OTUD7B: variants seen among roughly 807,000 people sequenced by gnomAD.
The protein encoded by OTUD7B is OTU domain-containing protein 7B.
A neutral mutation model predicts 82.2 loss-of-function variants in OTUD7B; 34 were observed. That is an observed-to-expected ratio of 0.41 (90% CI 0.31 to 0.55). OTUD7B has a LOEUF of 0.55. Among genes scored for constraint, OTUD7B ranks in the 20% least tolerant of loss-of-function variants. OTUD7B has a pLI of 0.20. For missense variants in OTUD7B, 944 were observed against 1,062.1 expected (o/e 0.89, Z 1.55); for synonymous variants, 398 against 402.7 (o/e 0.99, Z 0.14).
At chr1:150,035,895 C>T in the OTUD7B span, among the ~76,000 whole-genome samples, 356 of 151,930 alleles carry the variant, frequency 2.3e-3, no homozygotes, top group African/African-American at 7.9e-3. Context: ...CTGCTACTTA[C>T]GCATACATTG....
the OTUD7B span, among the ~76,000 whole-genome samples, chr1:150,036,984 T>C: frequency 2.0e-5 from 3 of 152,226 alleles, no homozygotes; most frequent in South Asian, 6.2e-4. Flanking sequence ...AAAATAATGG[T>C]AAACTGCTCT....
At chr1:149,951,470 C>T (rs961423873) in intron 7 of OTUD7B, among the ~76,000 whole-genome samples, 1 of 152,162 alleles carries the variant, frequency 6.6e-6, no homozygotes, top group African/African-American at 2.4e-5. Context: ...TCATCCATGG[C>T]CCTTTCCTGG....
At chr1:149,983,354 T>A (rs1315017642) in intron 1 of OTUD7B, among the ~76,000 whole-genome samples, 1 of 152,176 alleles carries the variant, frequency 6.6e-6, no homozygotes, top group East Asian at 1.9e-4. Flanking sequence ...TCCTACCATC[T>A]TCCTGAGCAA....
chr1:150,060,159 G>C, the OTUD7B span, among the ~76,000 whole-genome samples: 65 of 152,128 alleles, frequency 4.3e-4, no homozygotes, highest in Non-Finnish European at 4.7e-4. Context: ...ATATTTTCAG[G>C]CTATTAGGTG....
the OTUD7B span, among the ~76,000 whole-genome samples, chr1:150,059,048 CTTTTCT>C: frequency 2.8e-5 from 4 of 140,996 alleles, no homozygotes; most frequent in African/African-American, 1.1e-4. Context: ...TTCTTACTTT[CTTTTCT>C]TTTTTTTTTT....
At chr1:150,015,512 C>T (rs959552879), upstream of OTUD7B, among the ~76,000 whole-genome samples, 33 of 151,902 alleles carry the variant, frequency 2.2e-4, no homozygotes, top group South Asian at 4.2e-4. Context: ...AACTCCTGAC[C>T]TCAAGTGATC....
At chr1:149,986,441 T>C (rs1449529467) in intron 1 of OTUD7B, among the ~76,000 whole-genome samples, 1 of 152,168 alleles carries the variant, frequency 6.6e-6, no homozygotes, top group Non-Finnish European at 1.5e-5. Context: ...ATTCCAAGTG[T>C]CCAACTTACT....
At chr1:150,017,379 T>G in the OTUD7B span, among the ~76,000 whole-genome samples, 1 of 152,304 alleles carries the variant, frequency 6.6e-6, no homozygotes, top group South Asian at 2.1e-4. Flanking sequence ...TCTAGTATGG[T>G]CCTGACAAAT....
At chr1:150,054,945 CA>C in the OTUD7B span, 1 of 310,826 alleles carries the variant, frequency 3.2e-6, no homozygotes, top group South Asian at 3.2e-5. Flanking sequence ...AGATTTTAAC[CA>C]AAATCAAAGC....
At position 149,967,282 on chromosome 1, in the gene OTUD7B, G is replaced by A. The variant is rs781957065; in HGVS notation, c.502+12C>T. 1 of 1,581,592 alleles carries A rather than the reference G, an allele frequency of 6.3e-7. No homozygotes were observed. The highest frequency in any genetic ancestry group is 2.2e-5 in the East Asian group (1 of 44,626). On this transcript the variant is annotated intron_variant, in intron 4 of 11. Coordinates refer to ENST00000581312, the MANE Select transcript of OTUD7B (RefSeq NM_020205.4). ...TAGAGGGAAGAGTGTGGGAGAGGAA[G>A]CACTCACTGACCTGCCTGTTCCAAG...
intron 1 of OTUD7B, among the ~76,000 whole-genome samples, chr1:150,007,133 A>G (rs1553786318): frequency 6.6e-6 from 1 of 152,166 alleles, no homozygotes; most frequent in Non-Finnish European, 1.5e-5. Context: ...AGTCATTCAT[A>G]TCATCATTGC....
intron 1 of OTUD7B, among the ~76,000 whole-genome samples, chr1:149,987,963 T>C (rs1651267529): frequency 6.6e-6 from 1 of 152,336 alleles, no homozygotes; most frequent in East Asian, 1.9e-4. Context: ...AATCCCAATG[T>C]CTTAATCTAC....
At chr1:150,063,400 A>G in the OTUD7B span, among the ~76,000 whole-genome samples, 2 of 152,224 alleles carry the variant, frequency 1.3e-5, no homozygotes, top group Non-Finnish European at 2.9e-5. Flanking sequence ...CAGTGAACCA[A>G]GATGGCACCA....
chr1:149,946,056 A>T (rs1553772001), intron 11 of OTUD7B, among the ~76,000 whole-genome samples: 1 of 13,154 alleles, frequency 7.6e-5, no homozygotes. Context: ...GTGAAACTCC[A>T]TCTCAAAGAA....
chr1:149,953,786 A>G lies in OTUD7B; in HGVS notation c.846-3565T>C, dbSNP rs181255371. Among the ~76,000 whole-genome samples the G allele has an allele frequency of 1.1e-3, 174 of 152,236 alleles. 1 individual carries two copies. Among genetic ancestry groups the G allele is most frequent in the African/African-American group, 4.1e-3 (171 of 41,538 alleles). ...CACATCCCTTGTAAGTTGGATTTCTAGGTATTTTATTCTCTTTGAAGCAAT... is the reference window on the plus strand; with the variant it reads ...CACATCCCTTGTAAGTTGGATTTCTGGGTATTTTATTCTCTTTGAAGCAAT... On this transcript the variant is annotated intron_variant, in intron 7 of 11. Coordinates refer to ENST00000581312, the MANE Select transcript of OTUD7B (RefSeq NM_020205.4).
the OTUD7B span, among the ~76,000 whole-genome samples, chr1:150,024,446 A>C: frequency 2.6e-5 from 4 of 152,250 alleles, 1 homozygote; most frequent in African/African-American, 9.6e-5. Flanking sequence ...GATAAAGCCT[A>C]GAAACAGATG....
At chr1:150,042,235 C>G in the OTUD7B span, among the ~76,000 whole-genome samples, 7 of 150,686 alleles carry the variant, frequency 4.6e-5, no homozygotes, top group African/African-American at 1.7e-4. Flanking sequence ...TGCAGTGGCG[C>G]GGACTCGACT....
chr1:149,963,855 A>G (rs1309952581), intron 6 of OTUD7B: 4 of 176,082 alleles, frequency 2.3e-5, no homozygotes. Flanking sequence ...GGGGCTGAAA[A>G]CATAAGTCTT....
intron 1 of OTUD7B, among the ~76,000 whole-genome samples, chr1:149,992,876 C>A (rs1297516973): frequency 1.3e-5 from 2 of 152,134 alleles, no homozygotes; most frequent in Non-Finnish European, 2.9e-5. Flanking sequence ...GTTGGCCGGG[C>A]ATGGTGGCTC....
Sources: allele counts gnomAD v4.1 joint callset (sites outside exome capture counted in the v4.1 genomes callset), GRCh38; gene constraint gnomAD v4.1.1; transcripts MANE v1.5; gene names NCBI Gene and HGNC (gene_info 2026-07-23, HGNC 2026-07-21).